PCDHA5: variants seen among roughly 807,000 people sequenced by gnomAD.
The protein encoded by PCDHA5 is protocadherin alpha-5.
A neutral mutation model predicts 61.6 loss-of-function variants in PCDHA5; 43 were observed. The ratio of observed to expected loss-of-function variants is 0.70; its 90% confidence interval spans 0.55 to 0.90. The LOEUF is 0.90. Ranked by LOEUF, PCDHA5 falls within the 40% of genes least tolerant of loss-of-function variation. The pLI is 0.00. For missense variants in PCDHA5, 1,298 were observed against 1,222.7 expected (o/e 1.06, Z -0.92); for synonymous variants, 627 against 543.9 (o/e 1.15, Z -2.13).
At chr5:140,984,730 T>C (rs956611464) in intron 3 of PCDHA5, among the ~76,000 whole-genome samples, 4 of 152,186 alleles carry the variant, frequency 2.6e-5, no homozygotes, top group Non-Finnish European at 4.4e-5. Context: ...ATTAAGATTA[T>C]GATTTAGAGT....
rs576672267 is a variant in PCDHA5 at position 140,878,151 on chromosome 5, T to G, written c.2352+54024T>G. 31 of 178,298 alleles carry G rather than the reference T, an allele frequency of 1.7e-4. No individual in the cohort carries two copies. The Middle Eastern group carries it at 7.4e-3, about 42-fold the overall frequency. The allele number at this position is 178,298 out of a possible 1,614,324, so 11.0% of individuals were successfully genotyped here. On this transcript the variant is annotated intron_variant, in intron 1 of 3. Coordinates refer to ENST00000529859, the MANE Select transcript of PCDHA5 (RefSeq NM_018908.3). Reference sequence around the variant, plus strand: ...AAAAGTGGCCAGATGTTTGATAACTTAAAAATTTAATTTGTTCATAATTTC... The same window carrying G: ...AAAAGTGGCCAGATGTTTGATAACTGAAAAATTTAATTTGTTCATAATTTC...
chr5:140,999,775 A>T (rs2097875590), intron 3 of PCDHA5, among the ~76,000 whole-genome samples: 1 of 152,178 alleles, frequency 6.6e-6, no homozygotes, highest in African/African-American at 2.4e-5. Context: ...TATACTCTTA[A>T]CCTAGAAATG....
At chr5:140,906,540 A>T (rs1375015616) in intron 1 of PCDHA5, among the ~76,000 whole-genome samples, 4 of 152,232 alleles carry the variant, frequency 2.6e-5, no homozygotes, top group African/African-American at 9.6e-5. Context: ...TAAAATCCTC[A>T]TTTCTGCAAC....
In PCDHA5 at chr5:140,967,289, C is replaced by A. The variant is rs782440125; in HGVS notation, c.2353-11660C>A. ...CTTTCACATAGAGAGTGCGCAGGAC[C>A]CCGACGTGGGCGCCAACTCAGTACA... On this transcript the variant is annotated intron_variant, in intron 1 of 3. Transcript: ENST00000529859. 3 of 1,612,910 alleles carry A rather than the reference C, an allele frequency of 1.9e-6. No homozygotes were observed. The East Asian group carries it at 6.7e-5, about 36-fold the overall frequency.
chr5:140,849,635 T>A (rs2150443379), intron 1 of PCDHA5: 1 of 1,598,758 alleles, frequency 6.3e-7, no homozygotes, highest in South Asian at 1.1e-5. Flanking sequence ...TAGACGCAGA[T>A]GCCAACGGGC....
Position 140,870,925 on chromosome 5 carries a change from T to C in PCDHA5, c.2352+46798T>C, listed in dbSNP as rs1554164841. 8 of 1,613,916 alleles carry C rather than the reference T, an allele frequency of 5.0e-6. No homozygotes were observed. In the Admixed American group the frequency reaches 8.3e-5, roughly 17 times the overall value. On this transcript the variant is annotated intron_variant, in intron 1 of 3. Transcript: ENST00000529859. Reference sequence around the variant, plus strand: ...CTCAGGCTACAACGCGTGGCTTTCATATGAATTGCAGCCGGCGGCGGGCGG... The same window carrying C: ...CTCAGGCTACAACGCGTGGCTTTCACATGAATTGCAGCCGGCGGCGGGCGG...
Position 140,841,349 on chromosome 5 carries a change from G to A in PCDHA5, c.2352+17222G>A, listed in dbSNP as rs2150314039. The A allele has an allele frequency of 5.3e-5, 86 of 1,612,662 alleles. 1 individual carries two copies. In the East Asian group the frequency reaches 1.9e-3, roughly 36 times the overall value. On this transcript the variant is annotated intron_variant, in intron 1 of 3. Coordinates refer to ENST00000529859, the MANE Select transcript of PCDHA5 (RefSeq NM_018908.3). ...GGATTATCACTGGCGAGGAGAGCTG[G>A]GATCCTGGCGACTACTACTCTTGCT...
chr5:140,856,423 T>G (rs1266159746), intron 1 of PCDHA5: 1 of 1,598,178 alleles, frequency 6.3e-7, no homozygotes, highest in East Asian at 2.2e-5. Context: ...TGAAGGACAT[T>G]AACGACAACC....
intron 1 of PCDHA5, chr5:140,870,482 C>A (rs1298357431): frequency 6.2e-7 from 1 of 1,614,126 alleles, no homozygotes; most frequent in Non-Finnish European, 8.5e-7. Flanking sequence ...CCCGAGTACA[C>A]CGTGTTCGTG....
intron 1 of PCDHA5, among the ~76,000 whole-genome samples, chr5:140,873,125 A>G (rs1252639627): frequency 6.6e-6 from 1 of 152,208 alleles, no homozygotes. Context: ...CAATATTCAA[A>G]GAGTCTATGC....
intron 1 of PCDHA5, chr5:140,882,514 C>T: frequency 2.5e-6 from 4 of 1,614,150 alleles, no homozygotes; most frequent in Non-Finnish European, 3.4e-6. Context: ...TGCAGAATGG[C>T]ATTTTGTTTG....
chr5:140,872,338 A>G (rs970096150), intron 1 of PCDHA5, among the ~76,000 whole-genome samples: 2 of 152,156 alleles, frequency 1.3e-5, no homozygotes, highest in Non-Finnish European at 2.9e-5. Flanking sequence ...AAAATTCTAC[A>G]TGTTCTTGCC....
At chr5:141,005,371 T>G (rs35698397) in intron 3 of PCDHA5, among the ~76,000 whole-genome samples, 7,868 of 152,226 alleles carry the variant, frequency 0.052, 247 homozygotes, top group South Asian at 0.11. Flanking sequence ...TAGAATGCCT[T>G]TCCAAGGAGG....
chr5:140,957,778 A>G (rs1554223119), intron 1 of PCDHA5, among the ~76,000 whole-genome samples: 4 of 152,122 alleles, frequency 2.6e-5, no homozygotes, highest in African/African-American at 9.7e-5. Context: ...AGTAAAAACT[A>G]AGTTCATCAT....
At chr5:140,926,861 G>T in intron 1 of PCDHA5, 1 of 1,522,578 alleles carries the variant, frequency 6.6e-7, no homozygotes, top group Non-Finnish European at 8.8e-7. Flanking sequence ...TTGGTGTAGC[G>T]TGTTGGTGGA....
At chr5:140,859,454 C>G (rs1400169609) in intron 1 of PCDHA5, 1 of 217,780 alleles carries the variant, frequency 4.6e-6, no homozygotes, top group South Asian at 1.1e-4. Context: ...TGCAGAGTGA[C>G]AAAACTACAC....
At chr5:140,926,268 T>A (rs1166651492) in intron 1 of PCDHA5, 1 of 152,208 alleles carries the variant, frequency 6.6e-6, no homozygotes, top group Non-Finnish European at 1.5e-5. Context: ...TCTCGCCGCC[T>A]CCGCTCGGCA....
intron 1 of PCDHA5, chr5:140,882,953 C>T: frequency 3.7e-6 from 6 of 1,614,184 alleles, no homozygotes; most frequent in East Asian, 2.2e-5. Flanking sequence ...AGTTCAGCTG[C>T]TCATCACGAT....
intron 1 of PCDHA5, among the ~76,000 whole-genome samples, chr5:140,911,208 G>A (rs1554194651): frequency 6.6e-6 from 1 of 152,154 alleles, no homozygotes; most frequent in Non-Finnish European, 1.5e-5. Flanking sequence ...TGCCACTACT[G>A]GGGATGAGAA....
Sources: allele counts gnomAD v4.1 joint callset (sites outside exome capture counted in the v4.1 genomes callset), GRCh38; gene constraint gnomAD v4.1.1; transcripts MANE v1.5; gene names NCBI Gene and HGNC (gene_info 2026-07-23, HGNC 2026-07-21).